Variants in UGGT1 observed in about 807,000 individuals in gnomAD.
The protein encoded by UGGT1 is UDP-glucose:glycoprotein glucosyltransferase 1.
Under a neutral mutation model 203.9 loss-of-function variants are expected in UGGT1, and 107 were observed. That is an observed-to-expected ratio of 0.52 (90% CI 0.45 to 0.62). The LOEUF (loss-of-function observed/expected upper bound fraction) is 0.62. Among genes scored for constraint, UGGT1 ranks in the 20% least tolerant of loss-of-function variants. The pLI is 0.00. For missense variants in UGGT1, 1,673 were observed against 1,867.2 expected (o/e 0.90, Z 1.92); for synonymous variants, 628 against 653.5 (o/e 0.96, Z 0.59).
intron 11 of UGGT1, among the ~76,000 whole-genome samples, chr2:128,123,587 T>C (rs541947277): frequency 6.6e-6 from 1 of 152,308 alleles, no homozygotes; most frequent in East Asian, 1.9e-4. Flanking sequence ...CGTTCAGACA[T>C]TATATATTGG....
At chr2:128,116,145 ATTTCAGGGG>A in intron 7 of UGGT1, 111 bp from the exon 8 acceptor site, 1 of 605,792 alleles carries the variant, frequency 1.7e-6, no homozygotes, top group East Asian at 2.9e-5. Flanking sequence ...AAATGGTATA[ATTTCAGGGG>A]TTTCTGATTT....
At chr2:128,169,048 TAAAAAAAA>T (rs544381740) in intron 26 of UGGT1, among the ~76,000 whole-genome samples, 2 of 52,564 alleles carry the variant, frequency 3.8e-5, no homozygotes, top group Admixed American at 2.9e-4. Flanking sequence ...ACTCTGTCTT[TAAAAAAAA>T]AAAAAAAAAA....
At chr2:128,177,652 A>G (rs1691467174) in intron 32 of UGGT1, among the ~76,000 whole-genome samples, 180 bp from the exon 33 acceptor site, 1 of 152,192 alleles carries the variant, frequency 6.6e-6, no homozygotes, top group African/African-American at 2.4e-5. Flanking sequence ...TATGATGTGA[A>G]TGTCCTGGCG....
intron 3 of UGGT1, among the ~76,000 whole-genome samples, chr2:128,105,703 C>T (rs979910243): frequency 2.6e-5 from 4 of 151,792 alleles, no homozygotes; most frequent in Non-Finnish European, 4.4e-5. Context: ...TTAGCAGAGA[C>T]GGGGTTTCGC....
chr2:128,180,928 G>A lies in UGGT1; in HGVS notation c.3939G>A (p.Gln1313=). Residue 1313 remains glutamine, a synonymous_variant, in exon 36 of 41, where the codon CAG becomes CAA. Coordinates refer to ENST00000259253, the MANE Select transcript of UGGT1 (RefSeq NM_020120.4). ...IPYMANEYNF[Q]YELVQYKWPR... ...ACATGGCAAATGAATACAATTTCCA[G>A]TATGAGCTTGTTCAGTACAAATGGC... 2 of 1,614,018 alleles carry A rather than the reference G, an allele frequency of 1.2e-6. No homozygotes were observed. The highest frequency in any genetic ancestry group is 1.7e-4 in the Middle Eastern group (1 of 6,060).
At position 128,173,788 on chromosome 2, in the gene UGGT1, G is replaced by T; in HGVS notation, c.3302G>T (p.Ser1101Ile). The T allele has an allele frequency of 6.2e-7, 1 of 1,614,148 alleles. No individual in the cohort carries two copies. Among genetic ancestry groups the T allele is most frequent in the South Asian group, 1.1e-5 (1 of 91,078 alleles). The change falls in exon 30 of 41, where the codon AGT becomes ATT. Residue 1101 changes from serine to isoleucine, a missense_variant. Ser to Ile is a moderately radical substitution (Grantham distance 142). Coordinates refer to ENST00000259253, the MANE Select transcript of UGGT1 (RefSeq NM_020120.4). ...LDNIYLEEVD[S>I]VVAAEYELEY... ...TTGGATTTTGGCTTGCAGGTGGACA[G>T]TGTAGTGGCTGCTGAGTATGAGCTG...
At chr2:128,169,091 A>G (rs1200345778) in intron 26 of UGGT1, among the ~76,000 whole-genome samples, 1 of 112,802 alleles carries the variant, frequency 8.9e-6, no homozygotes, top group African/African-American at 3.6e-5. Flanking sequence ...AAAAAAAAAA[A>G]GACAAGGACC....
chr2:128,188,290 C>T (rs1023720449), intron 40 of UGGT1, among the ~76,000 whole-genome samples: 3 of 151,896 alleles, frequency 2.0e-5, no homozygotes, highest in Admixed American at 6.6e-5. Flanking sequence ...GTGATCCGCC[C>T]GCCTCAGCCT....
intron 9 of UGGT1, 126 bp downstream of exon 9, chr2:128,120,582 AAG>A (rs2105389059): frequency 2.8e-6 from 2 of 723,740 alleles, no homozygotes; most frequent in South Asian, 3.7e-5. Context: ...TTTTAAAGAT[AAG>A]AGTGATTAAT....
Position 128,189,833 on chromosome 2 carries a change from T to C in UGGT1, c.*91T>C. The C allele has an allele frequency of 6.8e-7, 1 of 1,475,846 alleles. No individual in the cohort carries two copies. Among genetic ancestry groups the C allele is most frequent in the Non-Finnish European group, 9.3e-7 (1 of 1,072,292 alleles). 91.4% of individuals were successfully genotyped at this position (1,475,846 alleles called of 1,614,324 possible). On this transcript the variant is annotated 3_prime_UTR_variant, in exon 41 of 41. Coordinates refer to ENST00000259253, the MANE Select transcript of UGGT1 (RefSeq NM_020120.4). ...TCTGATCTGTCTATACAACTGCTGATAAGCCGGCTGGGCAGGAGTGCCACA... is the reference window on the plus strand; with the variant it reads ...TCTGATCTGTCTATACAACTGCTGACAAGCCGGCTGGGCAGGAGTGCCACA...
At chr2:128,099,442 C>T (rs1687266199) in intron 2 of UGGT1, among the ~76,000 whole-genome samples, 1 of 152,162 alleles carries the variant, frequency 6.6e-6, no homozygotes, top group Non-Finnish European at 1.5e-5. Context: ...CCATGCCTGG[C>T]CTCTAGAATT....
chr2:128,188,979 C>G (rs1412465530), intron 40 of UGGT1, among the ~76,000 whole-genome samples: 2 of 152,118 alleles, frequency 1.3e-5, no homozygotes, highest in Non-Finnish European at 2.9e-5. Context: ...GATAAATGGG[C>G]AAAGAATGTG....
intron 38 of UGGT1, among the ~76,000 whole-genome samples, chr2:128,185,178 C>G (rs930877395): frequency 1.3e-5 from 2 of 151,348 alleles, no homozygotes; most frequent in Non-Finnish European, 2.9e-5. Context: ...AATGGTATCA[C>G]CCAACAGTAT....
intron 38 of UGGT1, 104 bp downstream of exon 38, chr2:128,183,893 C>T (rs1169867301): frequency 5.9e-6 from 4 of 675,162 alleles, no homozygotes; most frequent in African/African-American, 1.9e-5. Context: ...CACAGGATGG[C>T]GTCTTGTTTT....
intron 1 of UGGT1, among the ~76,000 whole-genome samples, chr2:128,095,787 A>G (rs186668661): frequency 1.4e-4 from 22 of 152,318 alleles, no homozygotes; most frequent in African/African-American, 3.8e-4. Flanking sequence ...TGTATGTTCT[A>G]TGAAGCAGGA....
In UGGT1 at chr2:128,145,865, A is replaced by C; in HGVS notation, c.1914A>C (p.Gly638=). The C allele has an allele frequency of 1.2e-6, 2 of 1,614,086 alleles. No homozygotes were observed. The highest frequency in any genetic ancestry group is 1.7e-6 in the Non-Finnish European group (2 of 1,179,970). Residue 638 remains glycine, a synonymous_variant, in exon 18 of 41, where the codon GGA becomes GGC. Transcript: ENST00000259253. ...CTCTGCCCGTTGTGCTGTTCAATGG[A>C]ATGCCCTTTGAAAGGGAACAGCTAG... ...VGPLPVVLFN[G]MPFEREQLDP...
chr2:128,118,563 C>A (rs751604892), intron 8 of UGGT1, among the ~76,000 whole-genome samples: 23 of 152,124 alleles, frequency 1.5e-4, no homozygotes, highest in Non-Finnish European at 2.9e-4. Flanking sequence ...CCACTCCCAG[C>A]TTCAGAATCT....
At chr2:128,111,136 T>C (rs1687826850) in intron 5 of UGGT1, among the ~76,000 whole-genome samples, 1 of 152,226 alleles carries the variant, frequency 6.6e-6, no homozygotes, top group Admixed American at 6.5e-5. Context: ...GAGGATCACT[T>C]GATCCCAGGA....
At chr2:128,169,312 A>G (rs1361093889) in intron 26 of UGGT1, among the ~76,000 whole-genome samples, 4 of 152,158 alleles carry the variant, frequency 2.6e-5, no homozygotes, top group African/African-American at 4.8e-5. Flanking sequence ...TAGAGGCTTC[A>G]GTGAACCATG....
Sources: allele counts gnomAD v4.1 joint callset (sites outside exome capture counted in the v4.1 genomes callset), GRCh38; gene constraint gnomAD v4.1.1; transcripts MANE v1.5; gene names NCBI Gene and HGNC (gene_info 2026-07-23, HGNC 2026-07-21).